Variants in LY6S observed in about 807,000 individuals in gnomAD.
LY6S encodes the protein lymphocyte antigen 6S.
chr8:143,073,527 A>G, the LY6S span, among the ~76,000 whole-genome samples: 5,109 of 48,340 alleles, frequency 0.11, 139 homozygotes, highest in East Asian at 0.23. Context: ...GAAGACAGCC[A>G]TCGTCCTCGG....
chr8:143,046,031 T>A, the LY6S span, among the ~76,000 whole-genome samples: 1 of 152,078 alleles, frequency 6.6e-6, no homozygotes, highest in Admixed American at 6.5e-5. Context: ...TTTTTGTATA[T>A]TAGTAGAGAT....
chr8:143,051,061 G>A, the LY6S span, among the ~76,000 whole-genome samples: 1 of 152,320 alleles, frequency 6.6e-6, no homozygotes, highest in Admixed American at 6.5e-5. Flanking sequence ...AAATACTGCG[G>A]CTTTTAGAGG....
the LY6S span, among the ~76,000 whole-genome samples, chr8:143,042,702 C>T: frequency 1.3e-5 from 2 of 152,162 alleles, no homozygotes; most frequent in South Asian, 4.1e-4. Context: ...CACGTTCCCT[C>T]CTTGCTTGGA....
the LY6S span, among the ~76,000 whole-genome samples, chr8:143,051,500 C>G: frequency 6.6e-6 from 1 of 151,700 alleles, no homozygotes; most frequent in Non-Finnish European, 1.5e-5. Flanking sequence ...AAGATCGCAC[C>G]ATTGCACTCC....
At chr8:143,057,101 T>C in the LY6S span, 1 of 317,790 alleles carries the variant, frequency 3.1e-6, no homozygotes, top group Non-Finnish European at 6.4e-6. Flanking sequence ...TGTGCAACTT[T>C]AGTTGGTAGG....
chr8:143,052,712 G>T, the LY6S span, among the ~76,000 whole-genome samples: 1 of 152,116 alleles, frequency 6.6e-6, no homozygotes, highest in African/African-American at 2.4e-5. Flanking sequence ...TCCGCTCCTC[G>T]TGGAGGCCGC....
At chr8:143,044,616 G>C in the LY6S span, 4 of 1,310,466 alleles carry the variant, frequency 3.1e-6, no homozygotes, top group Non-Finnish European at 3.0e-6. Flanking sequence ...GGTCCATCAT[G>C]CAGCTATCTA....
chr8:143,057,794 G>GA, the LY6S span: 1 of 778,770 alleles, frequency 1.3e-6, no homozygotes, highest in Non-Finnish European at 2.4e-6. Context: ...ATGTGTTCTT[G>GA]AAAAACCATC....
chr8:143,061,750 T>C, the LY6S span, among the ~76,000 whole-genome samples: 1 of 152,200 alleles, frequency 6.6e-6, no homozygotes. Flanking sequence ...TCCATGTTGG[T>C]CAAGGCTGGT....
the LY6S span, among the ~76,000 whole-genome samples, chr8:143,051,971 C>CAA: frequency 7.6e-3 from 591 of 78,170 alleles, 3 homozygotes; most frequent in African/African-American, 0.024. Context: ...GACTCTGTCT[C>CAA]AAAAAAAAAA....
chr8:143,072,519 A>G, the LY6S span, among the ~76,000 whole-genome samples: 1,207 of 39,356 alleles, frequency 0.031, 14 homozygotes, highest in Middle Eastern at 0.038. Context: ...CGTCCTCGGG[A>G]TTCCTGTTTG....
chr8:143,049,376 A>C, the LY6S span: 1 of 475,270 alleles, frequency 2.1e-6, no homozygotes, highest in African/African-American at 2.0e-5. Context: ...AAAAGTGGTC[A>C]GAGAGTGGAA....
At chr8:143,048,970 G>A in the LY6S span, among the ~76,000 whole-genome samples, 1 of 152,218 alleles carries the variant, frequency 6.6e-6, no homozygotes, top group African/African-American at 2.4e-5. Context: ...CAGTGAGGCA[G>A]GGAAAGGCTC....
chr8:143,059,032 T>C, the LY6S span, among the ~76,000 whole-genome samples: 8 of 152,282 alleles, frequency 5.3e-5, no homozygotes, highest in African/African-American at 1.9e-4. Context: ...TATAATCATA[T>C]CTAAGATCTA....
the LY6S span, among the ~76,000 whole-genome samples, chr8:143,069,637 G>A: frequency 6.6e-6 from 1 of 152,198 alleles, no homozygotes; most frequent in Non-Finnish European, 1.5e-5. Context: ...TGCTCAGCAC[G>A]ATTCCTGCAT....
the LY6S span, among the ~76,000 whole-genome samples, chr8:143,052,097 C>T: frequency 7.3e-5 from 11 of 151,146 alleles, no homozygotes; most frequent in Non-Finnish European, 1.5e-4. Context: ...CTGGCTAACA[C>T]GGTGAAACCC....
chr8:143,075,204 G>A, the LY6S span, among the ~76,000 whole-genome samples: 8 of 152,072 alleles, frequency 5.3e-5, no homozygotes, highest in Admixed American at 6.5e-5. This position sits in a 1 kb window ranked among gnomAD's most constrained non-coding sequence, Gnocchi z 4.1. Flanking sequence ...AGCCATGGCT[G>A]TGCTGATTTT....
the LY6S span, among the ~76,000 whole-genome samples, chr8:143,074,831 C>T: frequency 1.9e-4 from 29 of 152,272 alleles, no homozygotes; most frequent in East Asian, 1.4e-3. Context: ...AGTCTCTCCC[C>T]GCAGGTAGAG....
the LY6S span, among the ~76,000 whole-genome samples, chr8:143,072,447 C>A: frequency 7.9e-6 from 1 of 125,928 alleles, no homozygotes; most frequent in Non-Finnish European, 1.6e-5. Context: ...CCGTCGTCCT[C>A]GGGATTCCTG....
Sources: gnomAD v4.1 joint callset for allele counts (sites outside exome capture counted in the v4.1 genomes callset) on GRCh38, gnomAD v4.1.1 for gene constraint, Gnocchi (gnomAD v3.1) non-coding constraint, MANE v1.5 for transcripts, NCBI Gene and HGNC (gene_info 2026-07-23, HGNC 2026-07-21) for gene names.